The following DCLK2 variants were observed in gnomAD, a reference collection of about 807,000 sequenced individuals.
DCLK2 encodes the protein doublecortin like kinase 2.
Under a neutral mutation model 78.4 loss-of-function variants are expected in DCLK2, and 31 were observed. The observed-to-expected ratio is 0.40, with a 90% CI of 0.30 to 0.53. DCLK2 has a LOEUF of 0.53. DCLK2 is among the 20% of genes least tolerant of loss of function. The probability of loss-of-function intolerance (pLI) is 0.61; values close to 1 mark genes in which losing one functional copy is unlikely to be tolerated. For missense variants in DCLK2, 872 were observed against 973.7 expected, an observed-to-expected ratio of 0.90 and a Z score of 1.39; for synonymous variants, 407 against 374.9, an observed-to-expected ratio of 1.09 and a Z score of -0.99.
At chr4:150,201,504 T>A (rs1054962971) in intron 4 of DCLK2, among the ~76,000 whole-genome samples, 1 of 152,222 alleles carries the variant, frequency 6.6e-6, no homozygotes, top group Non-Finnish European at 1.5e-5. Flanking sequence ...GATTAGTATC[T>A]CTTTTAGGAT....
intron 2 of DCLK2, among the ~76,000 whole-genome samples, chr4:150,132,514 A>G (rs1733389355): frequency 6.6e-6 from 1 of 152,220 alleles, no homozygotes. Context: ...CTGTGTGTAA[A>G]CACTGAATTA....
chr4:150,105,575 C>T (rs1731195838), intron 2 of DCLK2, among the ~76,000 whole-genome samples: 1 of 151,986 alleles, frequency 6.6e-6, no homozygotes, highest in African/African-American at 2.4e-5. Context: ...ATATGTATAA[C>T]TATACAGATG....
At chr4:150,242,775 A>G (rs974480892) in intron 12 of DCLK2, among the ~76,000 whole-genome samples, 1 of 152,228 alleles carries the variant, frequency 6.6e-6, no homozygotes, top group Non-Finnish European at 1.5e-5. Context: ...CCGTTAAGCA[A>G]ATCAAGTCAA....
At chr4:150,103,729 T>C (rs1289650345) in intron 2 of DCLK2, among the ~76,000 whole-genome samples, 1 of 152,202 alleles carries the variant, frequency 6.6e-6, no homozygotes, top group Non-Finnish European at 1.5e-5. Context: ...CACAATCAAA[T>C]TAGTCTCCAA....
intron 2 of DCLK2, among the ~76,000 whole-genome samples, chr4:150,108,417 G>A (rs1285326496): frequency 4.6e-5 from 7 of 151,806 alleles, no homozygotes; most frequent in Admixed American, 1.3e-4. Flanking sequence ...GGTGGTGGGC[G>A]CCTGTAGTCC....
rs1237588753 is a variant in DCLK2, at chr4:150,175,174, TTATA to T, written c.757-17958_757-17955del. On this transcript the variant is annotated intron_variant, in intron 2 of 15. Coordinates refer to ENST00000296550, the MANE Select transcript of DCLK2 (RefSeq NM_001040260.4). ...ATATATATTTATAATTTATATATAT[TTATA>T]TATATTTATAATTTATCTATATATA... Among the ~76,000 whole-genome samples the T allele has an allele frequency of 6.7e-4, 88 of 131,710 alleles. 16 individuals carry two copies. Among genetic ancestry groups the T allele is most frequent in the African/African-American group, 2.5e-3 (85 of 33,770 alleles). The allele number at this position is 131,710 out of a possible 152,430, so 86.4% of individuals were successfully genotyped here. A position where few individuals can be genotyped will look rare whatever the true frequency, so the allele number is the denominator to read the frequency against.
intron 7 of DCLK2, 47 bp from the exon 8 acceptor site, chr4:150,224,454 G>C: frequency 6.7e-7 from 1 of 1,482,166 alleles, no homozygotes; most frequent in East Asian, 2.3e-5. Context: ...AGGAATGATG[G>C]TATTTAATTT....
intron 2 of DCLK2, among the ~76,000 whole-genome samples, chr4:150,151,574 T>C (rs1371080942): frequency 6.6e-6 from 1 of 152,242 alleles, no homozygotes; most frequent in African/African-American, 2.4e-5. Context: ...AATGTGTCTC[T>C]AGATATGGTC....
At chr4:150,221,844 A>G (rs1741210666) in intron 7 of DCLK2, 59 bp downstream of exon 7, 6 of 1,115,196 alleles carry the variant, frequency 5.4e-6, no homozygotes, top group Middle Eastern at 2.1e-4. Flanking sequence ...TGAAAACTGT[A>G]TCATCTACAG....
At chr4:150,089,441 A>G (rs1729889560) in intron 1 of DCLK2, among the ~76,000 whole-genome samples, 1 of 152,188 alleles carries the variant, frequency 6.6e-6, no homozygotes, top group Admixed American at 6.5e-5. Flanking sequence ...GACTGACCCT[A>G]TATGTACTAT....
intron 3 of DCLK2, among the ~76,000 whole-genome samples, chr4:150,195,624 A>G (rs1738979911): frequency 6.7e-6 from 1 of 148,658 alleles, no homozygotes; most frequent in South Asian, 2.1e-4. Context: ...TATAAAGTTA[A>G]TATGTATAAC....
chr4:150,178,157 A>G (rs1737220356), intron 2 of DCLK2, among the ~76,000 whole-genome samples: 1 of 152,236 alleles, frequency 6.6e-6, no homozygotes, highest in Non-Finnish European at 1.5e-5. Context: ...CACAGCCAAC[A>G]GTCATAACCT....
chr4:150,130,331 G>A (rs897271476), intron 2 of DCLK2, among the ~76,000 whole-genome samples: 1 of 152,112 alleles, frequency 6.6e-6, no homozygotes, highest in Admixed American at 6.5e-5. Context: ...GAAGACAGAA[G>A]TGTGAGCCAG....
intron 8 of DCLK2, among the ~76,000 whole-genome samples, chr4:150,226,202 C>A (rs1214611521): frequency 1.4e-5 from 2 of 147,688 alleles, no homozygotes; most frequent in African/African-American, 5.0e-5. Context: ...AATGGAAAAT[C>A]CAGGAGGCAA....
chr4:150,232,643 C>T, intron 9 of DCLK2, 39 bp from the exon 10 acceptor site: 1 of 1,603,738 alleles, frequency 6.2e-7, no homozygotes, highest in Non-Finnish European at 8.5e-7. Context: ...TAGGATTGCA[C>T]TGTTGATGCT....
chr4:150,185,276 C>A (rs532559410), intron 2 of DCLK2, among the ~76,000 whole-genome samples: 1 of 152,294 alleles, frequency 6.6e-6, no homozygotes, highest in South Asian at 2.1e-4. Flanking sequence ...CTCCCTATCA[C>A]AAGAAGAGCA....
chr4:150,230,714 G>T (rs1395464927), intron 8 of DCLK2, among the ~76,000 whole-genome samples: 1 of 152,152 alleles, frequency 6.6e-6, no homozygotes, highest in Admixed American at 6.5e-5. Flanking sequence ...TTTTGTCTTT[G>T]CAACCATGAG....
intron 2 of DCLK2, among the ~76,000 whole-genome samples, chr4:150,166,520 G>A (rs1351481959): frequency 6.6e-6 from 1 of 151,926 alleles, no homozygotes; most frequent in Non-Finnish European, 1.5e-5. Context: ...AACAAAAACC[G>A]ATATTCTACT....
intron 1 of DCLK2, among the ~76,000 whole-genome samples, chr4:150,101,429 A>G (rs969119790): frequency 1.3e-5 from 2 of 152,110 alleles, no homozygotes; most frequent in Non-Finnish European, 2.9e-5. Flanking sequence ...ATTCTCTTTC[A>G]CTATTTGGGT....
Sources: allele counts gnomAD v4.1 joint callset (sites outside exome capture counted in the v4.1 genomes callset), GRCh38; gene constraint gnomAD v4.1.1; transcripts MANE v1.5; gene names NCBI Gene and HGNC (gene_info 2026-07-23, HGNC 2026-07-21).